PCDHGA6: variants seen among roughly 807,000 people sequenced by gnomAD.
The protein encoded by PCDHGA6 is protocadherin gamma-A6.
PCDHGA6 carries 41 observed loss-of-function variants against 60.6 expected under a neutral mutation model. That is an observed-to-expected ratio of 0.68 (90% confidence interval 0.53 to 0.88). PCDHGA6 has a LOEUF of 0.88. Among genes scored for constraint, PCDHGA6 ranks in the 40% least tolerant of loss-of-function variants. PCDHGA6 has a pLI of 0.00. For missense variants in PCDHGA6, 1,312 were observed against 1,203.0 expected (o/e 1.09, Z -1.34); for synonymous variants, 594 against 524.4 (o/e 1.13, Z -1.81).
intron 1 of PCDHGA6, chr5:141,424,091 G>A: frequency 1.1e-6 from 1 of 879,778 alleles, no homozygotes; most frequent in Non-Finnish European, 1.4e-6. Context: ...ACCATTATTT[G>A]CTATTACTGC....
chr5:141,374,155 G>A lies in PCDHGA6; in HGVS notation c.72G>A (p.Trp24Ter), dbSNP rs1165591733. Residue 24 changes from tryptophan (W) to a stop codon, truncating the protein, a stop_gained, in exon 1 of 4, where the codon TGG becomes TGA. Transcript: ENST00000517434. LOFTEE classifies it high-confidence loss of function. ...VLLLTLLGTLWGAAAAQIRYS... is the reference protein window; with the variant it reads ...VLLLTLLGTL The stretch of plus-strand genomic sequence containing the variant: ...TCCTCACGCTCCTGGGGACGCTGTG[G>A]GGGGCCGCGGCAGCGCAGATCCGCT... The A allele has an allele frequency of 6.2e-7, 1 of 1,612,144 alleles. No homozygotes were observed. The highest frequency in any genetic ancestry group is 1.7e-5 in the Admixed American group (1 of 59,890).
At chr5:141,459,775 T>C (rs377188083) in intron 1 of PCDHGA6, among the ~76,000 whole-genome samples, 8 of 152,362 alleles carry the variant, frequency 5.3e-5, no homozygotes, top group African/African-American at 1.4e-4. Flanking sequence ...TACTATCTCA[T>C]TGAAGTTTCA....
chr5:141,415,161 C>T (rs1391561235), intron 1 of PCDHGA6: 1 of 1,613,864 alleles, frequency 6.2e-7, no homozygotes, highest in Admixed American at 1.7e-5. Context: ...CCGCCACTGT[C>T]ACGCTCACCG....
Position 141,487,925 on chromosome 5 carries a change from C to T in PCDHGA6, c.2425-6882C>T. 4.8e-6 allele frequency: 3 copies of T among 629,734 alleles called. No homozygotes were observed. The highest frequency in any genetic ancestry group is 8.3e-6 in the Non-Finnish European group (3 of 362,440). 39.0% of individuals were successfully genotyped at this position (629,734 alleles called of 1,614,324 possible). On this transcript the variant is annotated intron_variant, in intron 1 of 3. Coordinates refer to ENST00000517434, the MANE Select transcript of PCDHGA6 (RefSeq NM_018919.3). The surrounding 1 kb of genome is among the most constrained non-coding windows in gnomAD (Gnocchi z 5.0). ...TGTGGGAGCACAGGAGGCTACAGTGCACAGGGTACAGTGCACCAGGCAGTC... is the reference window on the plus strand; with the variant it reads ...TGTGGGAGCACAGGAGGCTACAGTGTACAGGGTACAGTGCACCAGGCAGTC...
At chr5:141,380,163 G>A (rs765381808) in intron 1 of PCDHGA6, among the ~76,000 whole-genome samples, 1 of 152,092 alleles carries the variant, frequency 6.6e-6, no homozygotes, top group African/African-American at 2.4e-5. Context: ...GCCTCTCAAA[G>A]GGCTGGGATT....
chr5:141,376,518 T>G lies in PCDHGA6; in HGVS notation c.2424+11T>G. The G allele has an allele frequency of 6.2e-7, 1 of 1,613,924 alleles. No individual in the cohort carries two copies. Among genetic ancestry groups the G allele is most frequent in the Non-Finnish European group, 8.5e-7 (1 of 1,179,874 alleles). On this transcript the variant is annotated intron_variant, in intron 1 of 3. Transcript: ENST00000517434. Reference sequence around the variant, plus strand: ...CCCAGGCAACTTCAGGTGAGTTTCTTTCCGCCTAAGCGGGAAGAGTAATCT... The same window carrying G: ...CCCAGGCAACTTCAGGTGAGTTTCTGTCCGCCTAAGCGGGAAGAGTAATCT...
chr5:141,382,534 T>G (rs1284471897), intron 1 of PCDHGA6, among the ~76,000 whole-genome samples: 1 of 152,218 alleles, frequency 6.6e-6, no homozygotes, highest in Non-Finnish European at 1.5e-5. Context: ...TAAAATGGAT[T>G]TTTAATTATC....
chr5:141,498,994 AAGG>A (rs1310594976), intron 2 of PCDHGA6, among the ~76,000 whole-genome samples: 4 of 148,560 alleles, frequency 2.7e-5, no homozygotes, highest in Non-Finnish European at 4.5e-5. Flanking sequence ...GGAAGGAAGG[AAGG>A]AAGGAAGGAA....
chr5:141,401,613 G>A (rs906957282), intron 1 of PCDHGA6, among the ~76,000 whole-genome samples: 1 of 152,162 alleles, frequency 6.6e-6, no homozygotes, highest in Admixed American at 6.5e-5. Flanking sequence ...AAAAGACACC[G>A]GATTTGTCTT....
In PCDHGA6 at chr5:141,374,319, C is replaced by A; in HGVS notation, c.236C>A (p.Pro79Gln). ...AGGATGCAGCTTTTCTCTCTGAATCCGCGAAACGGCAGCTTGGTCACCGCG... is the reference window on the plus strand; with the variant it reads ...AGGATGCAGCTTTTCTCTCTGAATCAGCGAAACGGCAGCTTGGTCACCGCG... ...RGRMQLFSLN[P>Q]RNGSLVTAGR... The change falls in exon 1 of 4, where the codon CCG (proline) becomes CAG (glutamine). Residue 79 changes from proline (P) to glutamine (Q), a missense_variant. By Grantham distance (76) the Pro-to-Gln change is moderately conservative (BLOSUM62 -1). Transcript: ENST00000517434. 6.2e-7 allele frequency: 1 copy of A among 1,613,942 alleles called. No homozygotes were observed. Among genetic ancestry groups the A allele is most frequent in the Non-Finnish European group, 8.5e-7 (1 of 1,179,846 alleles).
At chr5:141,480,956 C>G (rs2099528870) in intron 1 of PCDHGA6, among the ~76,000 whole-genome samples, 1 of 152,064 alleles carries the variant, frequency 6.6e-6, no homozygotes, top group South Asian at 2.1e-4. Flanking sequence ...GAGGCGGAAG[C>G]ATCAGTGAGG....
chr5:141,462,774 A>G (rs890366708), intron 1 of PCDHGA6, among the ~76,000 whole-genome samples: 1 of 152,126 alleles, frequency 6.6e-6, no homozygotes, highest in Admixed American at 6.6e-5. Context: ...GCTTGGGGTC[A>G]TAATTTGTTG....
chr5:141,497,062 A>C (rs779414748), intron 2 of PCDHGA6, among the ~76,000 whole-genome samples: 6 of 152,024 alleles, frequency 3.9e-5, no homozygotes, highest in Non-Finnish European at 7.4e-5. Flanking sequence ...GGTGGCAGGC[A>C]CCTGTAATCC....
chr5:141,387,924 CTGCCAG>C (rs145222727), intron 1 of PCDHGA6: 128,031 of 1,478,756 alleles, frequency 0.087, 6,358 homozygotes, highest in Non-Finnish European at 0.099. Context: ...GGCTGAGAGG[CTGCCAG>C]TGCTCTTTCT....
chr5:141,415,736 T>G, intron 1 of PCDHGA6: 1 of 1,289,978 alleles, frequency 7.8e-7, no homozygotes, highest in South Asian at 1.8e-5. Context: ...TGATGTTTAT[T>G]AAGGTTTTTT....
chr5:141,384,898 A>G (rs982769749), intron 1 of PCDHGA6: 168 of 1,613,752 alleles, frequency 1.0e-4, no homozygotes, highest in Non-Finnish European at 1.3e-4. Flanking sequence ...TGTGGCTGAC[A>G]GCATCCCCGA....
intron 1 of PCDHGA6, among the ~76,000 whole-genome samples, chr5:141,439,623 C>T (rs1219064055): frequency 6.6e-6 from 1 of 152,186 alleles, no homozygotes; most frequent in East Asian, 1.9e-4. Context: ...ATGAGCCAAT[C>T]CCCAGACATT....
chr5:141,489,894 G>T lies in PCDHGA6; in HGVS notation c.2425-4913G>T. 1.2e-6 allele frequency: 2 copies of T among 1,614,204 alleles called. No homozygotes were observed. Among genetic ancestry groups the T allele is most frequent in the Non-Finnish European group, 1.7e-6 (2 of 1,180,028 alleles). The stretch of plus-strand genomic sequence containing the variant: ...TGGTGCTTACTGCTGTGGATGGGGG[G>T]ACCCCAGCCCGCTCAGGGACCACCC... On this transcript the variant is annotated intron_variant, in intron 1 of 3. Transcript: ENST00000517434. The surrounding 1 kb of genome is among the most constrained non-coding windows in gnomAD (Gnocchi z 4.5).
chr5:141,401,564 C>A (rs2094168610), intron 1 of PCDHGA6, among the ~76,000 whole-genome samples: 1 of 152,204 alleles, frequency 6.6e-6, no homozygotes, highest in African/African-American at 2.4e-5. Flanking sequence ...GCCTGAATTT[C>A]TCTTGCTCGG....
Sources: gnomAD v4.1 joint callset for allele counts (sites outside exome capture counted in the v4.1 genomes callset) on GRCh38, gnomAD v4.1.1 for gene constraint, Gnocchi (gnomAD v3.1) non-coding constraint, MANE v1.5 for transcripts, NCBI Gene and HGNC (gene_info 2026-07-23, HGNC 2026-07-21) for gene names.